The following SPOCK1 variants were observed in gnomAD, a reference collection of about 807,000 sequenced individuals.
The protein encoded by SPOCK1 is testican-1.
SPOCK1 carries 23 observed loss-of-function variants against 55.3 expected under a neutral mutation model. The observed-to-expected ratio is 0.42, with a 90% CI of 0.30 to 0.59. SPOCK1 has a LOEUF of 0.59. SPOCK1 is among the 20% of genes least tolerant of loss of function. The pLI is 0.22. For synonymous variants in SPOCK1, 226 were observed against 221.0 expected (o/e 1.02, Z -0.20); for missense variants, 499 against 552.5 (o/e 0.90, Z 0.97).
chr5:137,246,240 C>T (rs1007793452), intron 3 of SPOCK1, among the ~76,000 whole-genome samples: 2 of 152,196 alleles, frequency 1.3e-5, no homozygotes, highest in African/African-American at 4.8e-5. Flanking sequence ...TTTTTAATTA[C>T]CTCTGAGATT....
chr5:137,079,668 A>G (rs1752841947), intron 5 of SPOCK1, among the ~76,000 whole-genome samples: 1 of 152,066 alleles, frequency 6.6e-6, no homozygotes, highest in African/African-American at 2.4e-5. Context: ...TTCTTCAACA[A>G]CACTGCTCTG....
At chr5:137,374,157 C>A (rs58927860) in intron 2 of SPOCK1, among the ~76,000 whole-genome samples, 5,212 of 152,336 alleles carry the variant, frequency 0.034, 163 homozygotes, top group African/African-American at 0.09. Context: ...ATAGTAATAA[C>A]TAATCCTTCC....
At chr5:137,301,726 C>G (rs1365983246) in intron 2 of SPOCK1, among the ~76,000 whole-genome samples, 2 of 143,568 alleles carry the variant, frequency 1.4e-5, no homozygotes, top group Non-Finnish European at 3.0e-5. Context: ...GTTTACTCAA[C>G]TAATATTGGC....
rs1468506934 is a variant in SPOCK1 at position 137,285,541 on chromosome 5, C to T, written c.187-18486G>A. Reference sequence around the variant, plus strand: ...AAGACCGTCAGAAAAATGGCCCACTCATATTCAGCTTAAACATGGTTATTT... The same window carrying T: ...AAGACCGTCAGAAAAATGGCCCACTTATATTCAGCTTAAACATGGTTATTT... On this transcript the variant is annotated intron_variant, in intron 2 of 10. Transcript: ENST00000394945. Among the ~76,000 whole-genome samples, 31 of 152,140 alleles carry T rather than the reference C, an allele frequency of 2.0e-4. 2 individuals carry two copies. Among genetic ancestry groups the T allele is most frequent in the Admixed American group, 2.0e-3 (31 of 15,268 alleles).
intron 2 of SPOCK1, among the ~76,000 whole-genome samples, chr5:137,476,353 A>G (rs1380317256): frequency 6.6e-6 from 1 of 152,248 alleles, no homozygotes; most frequent in Non-Finnish European, 1.5e-5. Flanking sequence ...GGTGGGAGCA[A>G]GCACATCAGC....
chr5:137,193,998 C>G (rs1755242042), intron 3 of SPOCK1, among the ~76,000 whole-genome samples: 1 of 152,124 alleles, frequency 6.6e-6, no homozygotes, highest in African/African-American at 2.4e-5. Flanking sequence ...GCTACCCTAG[C>G]CCCAAAATGG....
chr5:137,249,002 G>A (rs1756455246), intron 3 of SPOCK1, among the ~76,000 whole-genome samples: 1 of 152,168 alleles, frequency 6.6e-6, no homozygotes, highest in Admixed American at 6.5e-5. Flanking sequence ...CAAAACCTTA[G>A]TGTCACCGTG....
At chr5:137,461,764 C>T (rs773150985) in intron 2 of SPOCK1, among the ~76,000 whole-genome samples, 1 of 152,204 alleles carries the variant, frequency 6.6e-6, no homozygotes, top group African/African-American at 2.4e-5. Context: ...CTGGTACTAA[C>T]GAGATAGAGA....
intron 3 of SPOCK1, among the ~76,000 whole-genome samples, chr5:137,177,079 GA>G (rs1465745644): frequency 1.3e-5 from 2 of 152,114 alleles, no homozygotes; most frequent in Non-Finnish European, 2.9e-5. Context: ...CCCTAGACAC[GA>G]AAGGAATTAA....
At chr5:137,130,550 T>C (rs1274134281) in intron 4 of SPOCK1, among the ~76,000 whole-genome samples, 1 of 152,230 alleles carries the variant, frequency 6.6e-6, no homozygotes, top group Non-Finnish European at 1.5e-5. Context: ...ACTGTCACCA[T>C]ATTCAGAGAT....
chr5:137,076,748 A>C (rs889660992), intron 5 of SPOCK1, among the ~76,000 whole-genome samples: 1 of 152,112 alleles, frequency 6.6e-6, no homozygotes, highest in African/African-American at 2.4e-5. Context: ...TGTGTCTTAT[A>C]CATTTTTTGT....
intron 6 of SPOCK1, among the ~76,000 whole-genome samples, chr5:137,057,027 C>A (rs556018751): frequency 2.2e-3 from 329 of 152,174 alleles, no homozygotes; most frequent in Non-Finnish European, 3.6e-3. Context: ...TTATGCAGAC[C>A]CTATGGTCTC....
At chr5:137,208,171 T>C (rs548334379) in intron 3 of SPOCK1, among the ~76,000 whole-genome samples, 3 of 152,216 alleles carry the variant, frequency 2.0e-5, no homozygotes, top group Non-Finnish European at 4.4e-5. Context: ...ATTATTTTTT[T>C]CTATTTACGA....
intron 6 of SPOCK1, among the ~76,000 whole-genome samples, chr5:137,021,924 A>C (rs1433865892): frequency 2.6e-5 from 4 of 152,206 alleles, no homozygotes; most frequent in Non-Finnish European, 2.9e-5. Context: ...TTGATGCAGA[A>C]GTTTTAGCTC....
At chr5:137,226,455 C>T (rs1755948907) in intron 3 of SPOCK1, among the ~76,000 whole-genome samples, 1 of 152,178 alleles carries the variant, frequency 6.6e-6, no homozygotes, top group Non-Finnish European at 1.5e-5. Flanking sequence ...TTGCAAAGTG[C>T]CATGCATACA....
intron 6 of SPOCK1, among the ~76,000 whole-genome samples, chr5:137,009,952 C>CCT (rs1216476093): frequency 3.3e-5 from 5 of 152,104 alleles, no homozygotes; most frequent in Non-Finnish European, 4.4e-5. Flanking sequence ...AGACACAGAC[C>CCT]CTCTCTCTCT....
Position 136,999,203 on chromosome 5 carries a change from G to T in SPOCK1, c.590-6603C>A, listed in dbSNP as rs116592608. ...GTTGTCAATACTGTAGGACAGAGAA[G>T]CTGCTCCAGGGTTACCGCAGCCTTG... On this transcript the variant is annotated intron_variant, in intron 6 of 10. Transcript: ENST00000394945. Among the ~76,000 whole-genome samples, 371 of 152,326 alleles carry T rather than the reference G, an allele frequency of 2.4e-3. 2 individuals carry two copies. Among genetic ancestry groups the T allele is most frequent in the African/African-American group, 8.5e-3 (354 of 41,580 alleles).
chr5:137,127,687 C>T (rs1471583255), intron 4 of SPOCK1, among the ~76,000 whole-genome samples: 1 of 152,210 alleles, frequency 6.6e-6, no homozygotes, highest in Admixed American at 6.5e-5. Flanking sequence ...TTCTTCTTTC[C>T]TATTTCTCTC....
chr5:137,189,740 A>G (rs994848810), intron 3 of SPOCK1, among the ~76,000 whole-genome samples: 3 of 152,234 alleles, frequency 2.0e-5, no homozygotes, highest in African/African-American at 7.2e-5. Flanking sequence ...ATAAGGCTAT[A>G]GTTACCATAG....
Sources: gnomAD v4.1 joint callset for allele counts (sites outside exome capture counted in the v4.1 genomes callset) on GRCh38, gnomAD v4.1.1 for gene constraint, MANE v1.5 for transcripts, NCBI Gene and HGNC (gene_info 2026-07-23, HGNC 2026-07-21) for gene names.